ZNF609: variants seen among roughly 807,000 people sequenced by gnomAD.
ZNF609 encodes the protein zinc finger protein 609.
A neutral mutation model predicts 109.5 loss-of-function variants in ZNF609; 11 were observed. The ratio of observed to expected loss-of-function variants is 0.10; its 90% CI spans 0.06 to 0.17. The LOEUF is 0.17. ZNF609 is among the 10% of genes least tolerant of loss of function. The pLI is 1.00. For missense variants in ZNF609, 1,559 were observed against 1,772.4 expected (o/e 0.88, Z 2.16); for synonymous variants, 646 against 662.0 (o/e 0.98, Z 0.37).
Position 64,521,478 on chromosome 15 carries a change from A to G in ZNF609, c.747+21312A>G, listed in dbSNP as rs781233889. ...GGATTTTTTTTCCTTTCCTTGTTTT[A>G]TTTTTTCCTCCCTGTCCTTCCCTTA... On this transcript the variant is annotated intron_variant, in intron 2 of 9. Coordinates refer to ENST00000326648, the MANE Select transcript of ZNF609 (RefSeq NM_015042.2). Among the ~76,000 whole-genome samples, 5 of 151,432 alleles carry G rather than the reference A, an allele frequency of 3.3e-5. No homozygotes were observed. In the Middle Eastern group the frequency reaches 0.014, roughly 415 times the overall value.
At chr15:64,540,695 T>C (rs1329779131) in intron 2 of ZNF609, among the ~76,000 whole-genome samples, 2 of 150,954 alleles carry the variant, frequency 1.3e-5, no homozygotes, top group Non-Finnish European at 3.0e-5. Context: ...TGAGATACCG[T>C]GTCCGGCCAC....
At chr15:64,548,344 C>T (rs746582794) in intron 2 of ZNF609, among the ~76,000 whole-genome samples, 25 of 152,128 alleles carry the variant, frequency 1.6e-4, no homozygotes, top group Non-Finnish European at 2.8e-4. Flanking sequence ...TAATTTTACT[C>T]GTGTACACTC....
At position 64,675,437 on chromosome 15, in the gene ZNF609, T is replaced by C. The variant is rs772001398; in HGVS notation, c.2583T>C (p.Ser861=). ...AGGATGGGGAGGGCAAGGTAGACAG[T>C]GTCAAATCAAAGGACGCCGAACAGT... ...AGEDGEGKVD[S]VKSKDAEQLV... The change falls in exon 5 of 10, where the codon AGT becomes AGC. Residue 861 remains serine (S), a synonymous_variant. Coordinates refer to ENST00000326648, the MANE Select transcript of ZNF609 (RefSeq NM_015042.2). 1 of 1,614,042 alleles carries C rather than the reference T, an allele frequency of 6.2e-7. No homozygotes were observed. Among genetic ancestry groups the C allele is most frequent in the Non-Finnish European group, 8.5e-7 (1 of 1,180,032 alleles).
At chr15:64,681,264 A>C in intron 8 of ZNF609, 45 bp from the exon 9 acceptor site, 1 of 1,553,982 alleles carries the variant, frequency 6.4e-7, no homozygotes, top group Non-Finnish European at 8.8e-7. Flanking sequence ...GATTAATGGA[A>C]GGTTTCTGTG....
intron 3 of ZNF609, among the ~76,000 whole-genome samples, chr15:64,667,769 T>A (rs1466191777): frequency 1.3e-5 from 2 of 151,868 alleles, no homozygotes; most frequent in African/African-American, 4.8e-5. Flanking sequence ...TGGGGCTGAA[T>A]CTGTGGACTG....
chr15:64,665,779 G>C (rs567732159), intron 3 of ZNF609, among the ~76,000 whole-genome samples: 27 of 152,184 alleles, frequency 1.8e-4, no homozygotes, highest in Admixed American at 4.6e-4. Flanking sequence ...GGTGGTACAT[G>C]CCTGTAATCC....
intron 3 of ZNF609, among the ~76,000 whole-genome samples, chr15:64,657,147 T>A (rs192023707): frequency 6.6e-6 from 1 of 151,310 alleles, no homozygotes; most frequent in Non-Finnish European, 1.5e-5. Flanking sequence ...TAGTCCCAGC[T>A]ACTTGGGAGG....
chr15:64,645,531 A>G (rs1348055139), intron 3 of ZNF609, among the ~76,000 whole-genome samples: 1 of 152,186 alleles, frequency 6.6e-6, no homozygotes, highest in African/African-American at 2.4e-5. Flanking sequence ...CAAAAGAAAA[A>G]TTAGATAAAT....
intron 3 of ZNF609, among the ~76,000 whole-genome samples, chr15:64,658,349 C>T (rs1896521673): frequency 6.6e-6 from 1 of 152,114 alleles, no homozygotes; most frequent in African/African-American, 2.4e-5. Flanking sequence ...AGGCATGCAC[C>T]ACCACGCCCA....
intron 3 of ZNF609, among the ~76,000 whole-genome samples, chr15:64,642,533 C>T (rs1896277306): frequency 6.6e-6 from 1 of 152,172 alleles, no homozygotes. Flanking sequence ...GTGACTCACA[C>T]TTGTCATCCT....
At chr15:64,529,591 T>G (rs1256164772) in intron 2 of ZNF609, 1 of 1,352,848 alleles carries the variant, frequency 7.4e-7, no homozygotes, top group Non-Finnish European at 1.0e-6. Context: ...AATATCCACT[T>G]TACCAGAGTT....
chr15:64,493,343 A>G (rs1798480635), intron 1 of ZNF609, among the ~76,000 whole-genome samples: 1 of 152,192 alleles, frequency 6.6e-6, no homozygotes, highest in Admixed American at 6.5e-5. Flanking sequence ...TTCCTGAGGT[A>G]GAAGAGTTGT....
chr15:64,465,882 G>A (rs1462688006), intron 1 of ZNF609, among the ~76,000 whole-genome samples: 1 of 151,814 alleles, frequency 6.6e-6, no homozygotes, highest in African/African-American at 2.4e-5. Context: ...TTGGGAGGCT[G>A]AGGCGGGCAG....
chr15:64,649,100 A>G (rs983770685), intron 3 of ZNF609, among the ~76,000 whole-genome samples: 3 of 152,172 alleles, frequency 2.0e-5, no homozygotes, highest in African/African-American at 7.2e-5. Flanking sequence ...TGTAAGCCCA[A>G]TGAAGTCAAA....
chr15:64,670,496 A>G, intron 4 of ZNF609, 63 bp downstream of exon 4: 1 of 1,357,972 alleles, frequency 7.4e-7, no homozygotes, highest in Non-Finnish European at 1.1e-6. Flanking sequence ...GATCCCTTAT[A>G]CTTTTATCCT....
chr15:64,539,598 G>C (rs1015482976), intron 2 of ZNF609, among the ~76,000 whole-genome samples: 5 of 152,038 alleles, frequency 3.3e-5, no homozygotes, highest in African/African-American at 4.8e-5. Context: ...CCGACTCCCC[G>C]GTTCAAGCGA....
intron 2 of ZNF609, among the ~76,000 whole-genome samples, chr15:64,547,783 T>G (rs1374731260): frequency 6.6e-6 from 1 of 152,164 alleles, no homozygotes; most frequent in African/African-American, 2.4e-5. Context: ...CTGTTTAAAT[T>G]ACATTCTAGT....
At chr15:64,576,640 C>G (rs1595724246) in intron 2 of ZNF609, among the ~76,000 whole-genome samples, 1 of 151,080 alleles carries the variant, frequency 6.6e-6, no homozygotes, top group South Asian at 2.1e-4. Context: ...TAAAGGAATC[C>G]TCAAAATAGT....
chr15:64,505,782 G>A (rs1034460608), intron 2 of ZNF609, among the ~76,000 whole-genome samples: 8 of 151,906 alleles, frequency 5.3e-5, no homozygotes, highest in East Asian at 1.9e-4. Flanking sequence ...GTAAGTATTC[G>A]GGGCCACTTC....
Sources: gnomAD v4.1 joint callset for allele counts (sites outside exome capture counted in the v4.1 genomes callset) on GRCh38, gnomAD v4.1.1 for gene constraint, MANE v1.5 for transcripts, NCBI Gene and HGNC (gene_info 2026-07-23, HGNC 2026-07-21) for gene names.